CCDC85A: variants seen among roughly 807,000 people sequenced by gnomAD.
CCDC85A encodes the protein coiled-coil domain-containing protein 85A.
CCDC85A carries 38 observed loss-of-function variants against 50.2 expected under a neutral mutation model. That is an observed-to-expected ratio of 0.76 (90% CI 0.58 to 0.99). The LOEUF (loss-of-function observed/expected upper bound fraction) is 0.99, where lower values mean the gene tolerates loss of function less well. CCDC85A is among the 50% of genes least tolerant of loss of function. The probability of loss-of-function intolerance (pLI) is 0.00; values close to 1 mark genes in which losing one functional copy is unlikely to be tolerated. For missense variants in CCDC85A, 820 were observed against 742.0 expected (o/e 1.11, Z -1.22); for synonymous variants, 366 against 301.4 (o/e 1.21, Z -2.22).
chr2:56,317,594 A>G (rs1396993955), intron 2 of CCDC85A, among the ~76,000 whole-genome samples: 1 of 152,168 alleles, frequency 6.6e-6, no homozygotes, highest in Non-Finnish European at 1.5e-5. Flanking sequence ...AATTGTATTC[A>G]TAATTGGAAA....
intron 2 of CCDC85A, among the ~76,000 whole-genome samples, chr2:56,196,801 C>A (rs1358774110): frequency 6.7e-6 from 1 of 149,748 alleles, no homozygotes; most frequent in African/African-American, 2.5e-5. Flanking sequence ...TCTAGAAGCA[C>A]ATATTGCTGG....
At position 56,385,601 on chromosome 2, in the gene CCDC85A, T is replaced by C. The variant is rs1485999891; in HGVS notation, c.*1246T>C. 6.6e-6 allele frequency: 1 copy of C among 152,124 alleles called. No individual in the cohort carries two copies. The highest frequency in any genetic ancestry group is 1.5e-5 in the Non-Finnish European group (1 of 67,810). 9.4% of individuals were successfully genotyped at this position (152,124 alleles called of 1,614,324 possible). A position where few individuals can be genotyped will look rare whatever the true frequency, so the allele number is the denominator to read the frequency against. ...TAGTTTAAGATTATAAAAGTAGAAA[T>C]GCAACAATTCCCAGTTTTTGGATAG... On this transcript the variant is annotated 3_prime_UTR_variant, in exon 6 of 6. Coordinates refer to ENST00000407595, the MANE Select transcript of CCDC85A (RefSeq NM_001080433.2).
chr2:56,207,527 C>G (rs1363454315), intron 2 of CCDC85A, among the ~76,000 whole-genome samples: 1 of 152,170 alleles, frequency 6.6e-6, no homozygotes, highest in Non-Finnish European at 1.5e-5. Context: ...GATGGTCCCA[C>G]ATAACATTAT....
intron 2 of CCDC85A, among the ~76,000 whole-genome samples, chr2:56,207,203 A>G (rs566032798): frequency 2.6e-5 from 4 of 152,202 alleles, no homozygotes; most frequent in African/African-American, 9.6e-5. Context: ...GTTATGTTCT[A>G]TCTAAATCTC....
intron 2 of CCDC85A, among the ~76,000 whole-genome samples, chr2:56,303,279 T>G (rs1478304677): frequency 6.6e-6 from 1 of 152,150 alleles, no homozygotes; most frequent in Non-Finnish European, 1.5e-5. Flanking sequence ...TGTTGTAATA[T>G]TAAATGAAAG....
intron 2 of CCDC85A, among the ~76,000 whole-genome samples, chr2:56,315,261 A>C (rs1425523207): frequency 2.0e-5 from 3 of 152,172 alleles, no homozygotes; most frequent in Admixed American, 2.0e-4. Flanking sequence ...AGTAGGAAAA[A>C]ATACTAATTG....
intron 2 of CCDC85A, among the ~76,000 whole-genome samples, chr2:56,265,942 C>G (rs1214581536): frequency 4.6e-5 from 7 of 152,302 alleles, no homozygotes; most frequent in African/African-American, 1.7e-4. Flanking sequence ...AATATATACA[C>G]AATGGCATAC....
At chr2:56,326,002 C>T (rs1673450461) in intron 2 of CCDC85A, among the ~76,000 whole-genome samples, 1 of 152,114 alleles carries the variant, frequency 6.6e-6, no homozygotes, top group East Asian at 1.9e-4. Flanking sequence ...GATAGTGTTG[C>T]ATTCAAGTAT....
intron 2 of CCDC85A, among the ~76,000 whole-genome samples, chr2:56,335,217 A>G (rs1342755735): frequency 6.6e-6 from 1 of 152,168 alleles, no homozygotes; most frequent in African/African-American, 2.4e-5. Context: ...AAGAAGAAAA[A>G]CACTTTGTTC....
intron 5 of CCDC85A, among the ~76,000 whole-genome samples, chr2:56,376,177 A>G (rs1323137899): frequency 6.6e-6 from 1 of 152,140 alleles, no homozygotes; most frequent in Admixed American, 6.5e-5. Context: ...AATGTGATTC[A>G]TATCTATCGG....
rs755921410 is a variant in CCDC85A at position 56,193,037 on chromosome 2, G to A, written c.837G>A (p.Pro279=). Reference sequence around the variant, plus strand: ...CCAAAGCACTCAAAGGACCTAGCCCGGAGCACCACAAACCCTTGTGCAAGG... The same window carrying A: ...CCAAAGCACTCAAAGGACCTAGCCCAGAGCACCACAAACCCTTGTGCAAGG... ...DRPKALKGPS[P]EHHKPLCKGS... The change falls in exon 2 of 6, where the codon CCG becomes CCA. Residue 279 remains proline (P), a synonymous_variant. Coordinates refer to ENST00000407595, the MANE Select transcript of CCDC85A (RefSeq NM_001080433.2). The A allele has an allele frequency of 3.1e-6, 5 of 1,613,894 alleles. No homozygotes were observed. The highest frequency in any genetic ancestry group is 2.2e-5 in the East Asian group (1 of 44,850).
rs1675906209 is a variant in CCDC85A, at chr2:56,184,518, T to C, written c.-107T>C. 3 of 1,204,772 alleles carry C rather than the reference T, an allele frequency of 2.5e-6. No homozygotes were observed. The highest frequency in any genetic ancestry group is 4.3e-5 in the Admixed American group (1 of 23,170). The allele number at this position is 1,204,772 out of a possible 1,614,324, so 74.6% of individuals were successfully genotyped here. ...GCGGCCCCTGGGCGGTGCCGCTGACTCGCCGGAGCGCACAGGGGTGTGGGC... is the reference window on the plus strand; with the variant it reads ...GCGGCCCCTGGGCGGTGCCGCTGACCCGCCGGAGCGCACAGGGGTGTGGGC... On this transcript the variant is annotated 5_prime_UTR_variant, in exon 1 of 6. Coordinates refer to ENST00000407595, the MANE Select transcript of CCDC85A (RefSeq NM_001080433.2).
chr2:56,301,923 T>C (rs1672223001), intron 2 of CCDC85A, among the ~76,000 whole-genome samples: 1 of 152,180 alleles, frequency 6.6e-6, no homozygotes. Context: ...AACCTGCACA[T>C]TCTGCACATG....
At chr2:56,294,503 G>A (rs753161183) in intron 2 of CCDC85A, among the ~76,000 whole-genome samples, 1 of 152,164 alleles carries the variant, frequency 6.6e-6, no homozygotes, top group Non-Finnish European at 1.5e-5. Flanking sequence ...TGTAGGAATG[G>A]TTAAGGCCAG....
At chr2:56,348,211 G>A (rs779893615) in intron 3 of CCDC85A, among the ~76,000 whole-genome samples, 27 of 152,020 alleles carry the variant, frequency 1.8e-4, no homozygotes, top group Middle Eastern at 3.2e-3. Context: ...ATGCTCTGGC[G>A]CCCACATCTG....
intron 2 of CCDC85A, among the ~76,000 whole-genome samples, chr2:56,275,692 G>A (rs915216146): frequency 6.6e-6 from 1 of 152,142 alleles, no homozygotes; most frequent in African/African-American, 2.4e-5. Context: ...AGTGCTGACT[G>A]TCTGATGTAA....
At chr2:56,325,253 G>A (rs1673406388) in intron 2 of CCDC85A, among the ~76,000 whole-genome samples, 1 of 151,998 alleles carries the variant, frequency 6.6e-6, no homozygotes, top group Non-Finnish European at 1.5e-5. Context: ...ATAATTATAG[G>A]CTATATGGAG....
At chr2:56,229,545 GA>G (rs1356917075) in intron 2 of CCDC85A, among the ~76,000 whole-genome samples, 1 of 152,016 alleles carries the variant, frequency 6.6e-6, no homozygotes, top group Non-Finnish European at 1.5e-5. Context: ...GAAGAAGAGA[GA>G]AAAAGATAAC....
At chr2:56,291,509 C>G (rs1333262523) in intron 2 of CCDC85A, among the ~76,000 whole-genome samples, 1 of 152,116 alleles carries the variant, frequency 6.6e-6, no homozygotes, top group Non-Finnish European at 1.5e-5. Flanking sequence ...AAAGGCCTCC[C>G]TGAGTAGATG....
Sources: gnomAD v4.1 joint callset for allele counts (sites outside exome capture counted in the v4.1 genomes callset) on GRCh38, gnomAD v4.1.1 for gene constraint, MANE v1.5 for transcripts, NCBI Gene and HGNC (gene_info 2026-07-23, HGNC 2026-07-21) for gene names.